ECT2L: variants seen among roughly 807,000 people sequenced by gnomAD.
The protein encoded by ECT2L is epithelial cell transforming 2 like.
In ECT2L, 126 loss-of-function variants were observed where a neutral mutation model predicts 122.8. That is an observed-to-expected ratio of 1.03 (90% CI 0.89 to 1.19). The LOEUF (loss-of-function observed/expected upper bound fraction) is 1.19. ECT2L is among the 50% of genes most tolerant of loss of function. The probability of loss-of-function intolerance (pLI) is 0.00; values close to 1 mark genes in which losing one functional copy is unlikely to be tolerated. For synonymous variants in ECT2L, 385 were observed against 381.8 expected (o/e 1.01, Z -0.10); for missense variants, 1,012 against 1,064.1 (o/e 0.95, Z 0.68).
chr6:138,827,938 G>A (rs1368491868), intron 4 of ECT2L, among the ~76,000 whole-genome samples: 3 of 73,866 alleles, frequency 4.1e-5, no homozygotes, highest in African/African-American at 1.7e-4. Flanking sequence ...TTTTATAAAG[G>A]ACTATTTTTT....
At chr6:138,803,037 C>A (rs1276823324) in intron 1 of ECT2L, among the ~76,000 whole-genome samples, 1 of 151,294 alleles carries the variant, frequency 6.6e-6, no homozygotes, top group Non-Finnish European at 1.5e-5. Flanking sequence ...GATTGCACCA[C>A]TTGCACTCCA....
chr6:138,900,509 T>C (rs1309822546), intron 20 of ECT2L, among the ~76,000 whole-genome samples: 3 of 152,182 alleles, frequency 2.0e-5, no homozygotes, highest in Admixed American at 6.5e-5. Flanking sequence ...GCCTCCAAAG[T>C]GCTAGGATTA....
intron 1 of ECT2L, among the ~76,000 whole-genome samples, chr6:138,801,522 T>A (rs79843529): frequency 6.6e-6 from 1 of 152,128 alleles, no homozygotes; most frequent in Non-Finnish European, 1.5e-5. Context: ...GAGGCTGAAG[T>A]GGGCAGATTG....
intron 4 of ECT2L, chr6:138,823,306 T>G (rs1776328822): frequency 6.3e-7 from 1 of 1,589,654 alleles, no homozygotes; most frequent in African/African-American, 1.4e-5. Flanking sequence ...TGCATTCCCA[T>G]TTTCCCCCGC....
intron 10 of ECT2L, among the ~76,000 whole-genome samples, chr6:138,860,841 C>T (rs1383373845): frequency 2.0e-5 from 3 of 151,726 alleles, no homozygotes; most frequent in South Asian, 2.1e-4. Context: ...AAGCCCTGCA[C>T]GCATTAGGTA....
At chr6:138,849,840 C>A (rs1335835034) in intron 9 of ECT2L, among the ~76,000 whole-genome samples, 3 of 152,158 alleles carry the variant, frequency 2.0e-5, no homozygotes, top group Non-Finnish European at 4.4e-5. Flanking sequence ...AGGGGTGAGC[C>A]ACCACACCCC....
chr6:138,828,086 G>C (rs146462588), intron 4 of ECT2L, among the ~76,000 whole-genome samples: 3,310 of 151,616 alleles, frequency 0.022, 115 homozygotes, highest in African/African-American at 0.076. Context: ...TCCCCCCACC[G>C]CATGACAGGC....
At chr6:138,822,961 A>C in intron 4 of ECT2L, 1 of 1,610,804 alleles carries the variant, frequency 6.2e-7, no homozygotes, top group Non-Finnish European at 8.5e-7. Context: ...TACAAGAAAC[A>C]GAGAACCAAA....
chr6:138,854,297 A>C (rs1777543818), intron 10 of ECT2L, 143 bp downstream of exon 10: 2 of 1,038,368 alleles, frequency 1.9e-6, no homozygotes, highest in Non-Finnish European at 2.7e-6. Context: ...TCACATATCC[A>C]GGTATTTCAA....
chr6:138,858,801 G>T (rs965444289), intron 10 of ECT2L, among the ~76,000 whole-genome samples: 2 of 146,408 alleles, frequency 1.4e-5, no homozygotes, highest in African/African-American at 2.5e-5. Flanking sequence ...AACTTCCCGG[G>T]GTCAAGCGAT....
At chr6:138,804,692 T>C (rs933550556) in intron 1 of ECT2L, among the ~76,000 whole-genome samples, 12 of 152,120 alleles carry the variant, frequency 7.9e-5, no homozygotes, top group African/African-American at 2.7e-4. Context: ...CTCTACTGAG[T>C]CCCCTAATCC....
intron 9 of ECT2L, among the ~76,000 whole-genome samples, chr6:138,851,729 AAT>A (rs1366763335): frequency 6.6e-6 from 1 of 152,050 alleles, no homozygotes; most frequent in Non-Finnish European, 1.5e-5. Context: ...TCCCTTATCA[AAT>A]ATATGATTTG....
chr6:138,835,551 CAAA>C (rs34328066), intron 4 of ECT2L, among the ~76,000 whole-genome samples: 26 of 117,812 alleles, frequency 2.2e-4, no homozygotes, highest in African/African-American at 3.5e-4. Context: ...GGCCCTGTCT[CAAA>C]AAAAAAAAAA....
intron 5 of ECT2L, among the ~76,000 whole-genome samples, chr6:138,839,400 T>C (rs1454447240): frequency 6.6e-6 from 1 of 151,850 alleles, no homozygotes; most frequent in Non-Finnish European, 1.5e-5. Flanking sequence ...GATCTCATTC[T>C]GTCACCCAGG....
intron 21 of ECT2L, among the ~76,000 whole-genome samples, chr6:138,901,661 G>A (rs902073991): frequency 6.6e-6 from 1 of 152,086 alleles, no homozygotes; most frequent in Non-Finnish European, 1.5e-5. Context: ...ATTTTGTCAC[G>A]AAAACGAAAT....
At chr6:138,822,956 G>A (rs1260353438) in intron 4 of ECT2L, 1 of 1,611,634 alleles carries the variant, frequency 6.2e-7, no homozygotes, top group Non-Finnish European at 8.5e-7. Flanking sequence ...CCTATTACAA[G>A]AAACAGAGAA....
chr6:138,856,822 C>A (rs1777627987), intron 10 of ECT2L, among the ~76,000 whole-genome samples: 1 of 152,188 alleles, frequency 6.6e-6, no homozygotes, highest in Non-Finnish European at 1.5e-5. Context: ...AATGGGATTG[C>A]AACACCGATG....
chr6:138,850,940 G>A lies in ECT2L; in HGVS notation c.1069+1506G>A, dbSNP rs368708419. Among the ~76,000 whole-genome samples, 30 of 144,312 alleles carry A rather than the reference G, an allele frequency of 2.1e-4. No homozygotes were observed. The South Asian group carries it at 3.0e-3, about 15-fold the overall frequency. 94.7% of individuals were successfully genotyped at this position (144,312 alleles called of 152,430 possible). A position where few individuals can be genotyped will look rare whatever the true frequency, so the allele number is the denominator to read the frequency against. ...CGCTTGAACCTGGGAGGCGGACGTC[G>A]CGGTGAGCCAAGATTGCACCTCCAG... On this transcript the variant is annotated intron_variant, in intron 9 of 21. Coordinates refer to ENST00000541398, the MANE Select transcript of ECT2L (RefSeq NM_001077706.3).
At chr6:138,816,205 A>G (rs149149071) in intron 4 of ECT2L, among the ~76,000 whole-genome samples, 1 of 152,358 alleles carries the variant, frequency 6.6e-6, no homozygotes, top group East Asian at 1.9e-4. Context: ...AGGCTCACGT[A>G]TCATAAACCA....
Sources: allele counts gnomAD v4.1 joint callset (sites outside exome capture counted in the v4.1 genomes callset), GRCh38; gene constraint gnomAD v4.1.1; transcripts MANE v1.5; gene names NCBI Gene and HGNC (gene_info 2026-07-23, HGNC 2026-07-21).